Variants in SDC4 observed in about 807,000 individuals in gnomAD.
The protein encoded by SDC4 is syndecan-4.
In SDC4, 17 loss-of-function variants were observed where a neutral mutation model predicts 20.5. The ratio of observed to expected loss-of-function variants is 0.83; its 90% CI spans 0.57 to 1.25. The LOEUF is 1.25. Ranked by LOEUF, SDC4 falls within the 50% of genes most tolerant of loss-of-function variation. The pLI is 0.00. For synonymous variants in SDC4, 107 were observed against 105.3 expected (o/e 1.02, Z -0.10); for missense variants, 241 against 252.3 (o/e 0.96, Z 0.30).
intron 1 of SDC4, 103 bp from the exon 2 acceptor site, chr20:45,336,023 C>G (rs926290011): frequency 1.5e-6 from 2 of 1,322,174 alleles, no homozygotes; most frequent in East Asian, 2.3e-5. Flanking sequence ...AGAAAGAGAC[C>G]AGGCCAGGGC....
chr20:45,337,062 A>G (rs1987881901), intron 1 of SDC4, among the ~76,000 whole-genome samples: 1 of 152,092 alleles, frequency 6.6e-6, no homozygotes, highest in Non-Finnish European at 1.5e-5. Flanking sequence ...CGCTTGCCAA[A>G]AGAAAGTGTC....
At chr20:45,337,172 T>G (rs1406039363) in intron 1 of SDC4, among the ~76,000 whole-genome samples, 1 of 152,162 alleles carries the variant, frequency 6.6e-6, no homozygotes, top group Admixed American at 6.5e-5. Flanking sequence ...AGGAAACATT[T>G]GGATGCCCAT....
chr20:45,336,781 G>T (rs1317091486), intron 1 of SDC4, among the ~76,000 whole-genome samples: 2 of 152,036 alleles, frequency 1.3e-5, no homozygotes, highest in African/African-American at 4.8e-5. Context: ...TCTGGGCCGG[G>T]ACAGACAGGG....
chr20:45,330,749 T>C (rs1173376394), intron 3 of SDC4, among the ~76,000 whole-genome samples, 185 bp from the exon 4 acceptor site: 3 of 152,096 alleles, frequency 2.0e-5, no homozygotes, highest in African/African-American at 7.2e-5. Flanking sequence ...ATCCCCAACT[T>C]TTTTAGTATA....
At chr20:45,336,115 T>C (rs1055225270) in intron 1 of SDC4, among the ~76,000 whole-genome samples, 195 bp from the exon 2 acceptor site, 6 of 152,028 alleles carry the variant, frequency 3.9e-5, no homozygotes, top group African/African-American at 1.4e-4. Context: ...TCTGGGCAAA[T>C]AAAAATAGTA....
At chr20:45,339,120 C>T (rs1327266953) in intron 1 of SDC4, among the ~76,000 whole-genome samples, 7 of 152,202 alleles carry the variant, frequency 4.6e-5, no homozygotes, top group Admixed American at 6.5e-5. Flanking sequence ...GCCAGCAAGA[C>T]GGGACCAAGC....
Position 45,326,383 on chromosome 20 carries a change from T to TAAAAAAAA in SDC4, c.*873_*880dup, listed in dbSNP as rs35186241. The stretch of plus-strand genomic sequence containing the variant: ...AGGCCCTATCTAAAGCTATAAATAG[T>TAAAAAAAA]AAAAAAAAAAAAAAAAAAAAAAAAT... On this transcript the variant is annotated 3_prime_UTR_variant, in exon 5 of 5. Transcript: ENST00000372733. The TAAAAAAAA allele has an allele frequency of 2.5e-4, 24 of 97,678 alleles. No homozygotes were observed. The highest frequency in any genetic ancestry group is 3.5e-4 in the Non-Finnish European group (17 of 49,014). The allele number at this position is 97,678 out of a possible 1,614,324, so 6.1% of individuals were successfully genotyped here. A position where few individuals can be genotyped will look rare whatever the true frequency, so the allele number is the denominator to read the frequency against.
intron 1 of SDC4, among the ~76,000 whole-genome samples, chr20:45,340,038 G>A (rs1340408046): frequency 6.6e-6 from 1 of 152,188 alleles, no homozygotes; most frequent in African/African-American, 2.4e-5. Flanking sequence ...TCCCAGACTG[G>A]AATTATCTTC....
Position 45,331,356 on chromosome 20 carries a change from T to C in SDC4, c.247-792A>G, listed in dbSNP as rs190344526. Among the ~76,000 whole-genome samples, 7 of 152,280 alleles carry C rather than the reference T, an allele frequency of 4.6e-5. No homozygotes were observed. In the East Asian group the frequency reaches 7.7e-4, roughly 17 times the overall value. On this transcript the variant is annotated intron_variant, in intron 3 of 4. Transcript: ENST00000372733. ...CACCCTATTCAGCATGAAGAAGTTA[T>C]AGAAGATGGATCTTTGTCCCTCTGC...
chr20:45,335,578 G>C lies in SDC4; in HGVS notation c.199+204C>G, dbSNP rs558571308. 2.1e-3 allele frequency among the ~76,000 whole-genome samples: 320 copies of C among 151,754 alleles called. 2 individuals are homozygous for C. Among genetic ancestry groups the C allele is most frequent in the African/African-American group, 7.4e-3 (304 of 41,356 alleles). ...CAGAGCTACCAATGACTTCAAAGCA[G>C]CAAACAGCTTGTCCCCAGGGGCTCT... is the stretch of plus-strand genomic sequence containing the variant. On this transcript the variant is annotated intron_variant, in intron 2 of 4. Transcript: ENST00000372733.
intron 2 of SDC4, among the ~76,000 whole-genome samples, chr20:45,333,648 G>A (rs969815695): frequency 3.9e-5 from 6 of 152,160 alleles, no homozygotes; most frequent in Non-Finnish European, 7.3e-5. Flanking sequence ...CAGCCTGGGC[G>A]ACAGAACAAG....
intron 1 of SDC4, among the ~76,000 whole-genome samples, chr20:45,343,638 C>T (rs766490594): frequency 2.2e-4 from 34 of 152,316 alleles, no homozygotes; most frequent in Non-Finnish European, 4.0e-4. Context: ...CCAAAAGCCC[C>T]ACCCTAGATT....
intron 2 of SDC4, among the ~76,000 whole-genome samples, chr20:45,333,401 G>A (rs774140751): frequency 6.6e-6 from 1 of 152,258 alleles, no homozygotes; most frequent in Non-Finnish European, 1.5e-5. Context: ...AGGCGCGGTG[G>A]CTCACGCCTG....
intron 4 of SDC4, among the ~76,000 whole-genome samples, chr20:45,327,818 A>AT (rs1987716819): frequency 1.3e-5 from 2 of 152,214 alleles, no homozygotes; most frequent in East Asian, 3.9e-4. Flanking sequence ...TAATTTTTGT[A>AT]TTTTTAGTAG....
chr20:45,333,267 G>A, intron 2 of SDC4, among the ~76,000 whole-genome samples, 198 bp from the exon 3 acceptor site: 1 of 152,226 alleles, frequency 6.6e-6, no homozygotes, highest in East Asian at 1.9e-4. Context: ...CTCTTTCACA[G>A]GAATGTGTGA....
intron 1 of SDC4, among the ~76,000 whole-genome samples, chr20:45,346,307 G>A (rs1377305142): frequency 6.6e-6 from 1 of 152,222 alleles, no homozygotes; most frequent in Non-Finnish European, 1.5e-5. Context: ...GTTACAGGCA[G>A]GAGGTCTGTG....
chr20:45,348,156 G>T (rs1262458673), intron 1 of SDC4, among the ~76,000 whole-genome samples, 169 bp downstream of exon 1: 1 of 151,948 alleles, frequency 6.6e-6, no homozygotes, highest in Non-Finnish European at 1.5e-5. Flanking sequence ...CCGGAGGCTG[G>T]CCCGTGACCC....
chr20:45,328,123 G>A (rs1987722695), intron 4 of SDC4, among the ~76,000 whole-genome samples: 2 of 152,280 alleles, frequency 1.3e-5, no homozygotes, highest in Admixed American at 6.5e-5. Flanking sequence ...AGCTCTCCCT[G>A]TGTGCATATT....
At position 45,343,341 on chromosome 20, in the gene SDC4, C is replaced by T. The variant is rs1020255080; in HGVS notation, c.60+4984G>A. 2.6e-5 allele frequency among the ~76,000 whole-genome samples: 4 copies of T among 152,196 alleles called. No individual in the cohort carries two copies. In the East Asian group the frequency reaches 7.7e-4, roughly 29 times the overall value. ...CTTTTCTGTCCACCAACACCCCACC[C>T]CTCAAAGTGCTATTTGCAATCACTC... On this transcript the variant is annotated intron_variant, in intron 1 of 4. Transcript: ENST00000372733.
Sources: allele counts gnomAD v4.1 joint callset (sites outside exome capture counted in the v4.1 genomes callset), GRCh38; gene constraint gnomAD v4.1.1; transcripts MANE v1.5; gene names NCBI Gene and HGNC (gene_info 2026-07-23, HGNC 2026-07-21).